Variants in IQCM observed in about 807,000 individuals in gnomAD.
IQCM encodes the protein IQ domain-containing protein M.
Under a neutral mutation model 57.6 loss-of-function variants are expected in IQCM, and 45 were observed. The ratio of observed to expected loss-of-function variants is 0.78; its 90% CI spans 0.62 to 1.00. The LOEUF is 1.00. Ranked by LOEUF, IQCM falls within the 50% of genes least tolerant of loss-of-function variation. The probability of loss-of-function intolerance (pLI) is 0.00; values close to 1 mark genes in which losing one functional copy is unlikely to be tolerated. For synonymous variants in IQCM, 148 were observed against 158.9 expected (o/e 0.93, Z 0.51); for missense variants, 468 against 511.6 (o/e 0.91, Z 0.82).
intron 13 of IQCM, among the ~76,000 whole-genome samples, chr4:149,374,042 C>G (rs1302890307): frequency 6.6e-6 from 1 of 152,158 alleles, no homozygotes; most frequent in Non-Finnish European, 1.5e-5. Context: ...GCAGTAGCAG[C>G]AGCAGCGGCA....
intron 5 of IQCM, among the ~76,000 whole-genome samples, chr4:149,717,919 G>A (rs1157904241): frequency 2.6e-5 from 4 of 152,202 alleles, no homozygotes; most frequent in Admixed American, 2.6e-4. Flanking sequence ...TAAACCTCAT[G>A]CTATTGGCAA....
At chr4:149,796,520 G>A (rs533329148) in intron 2 of IQCM, among the ~76,000 whole-genome samples, 1 of 152,246 alleles carries the variant, frequency 6.6e-6, no homozygotes, top group African/African-American at 2.4e-5. Context: ...AGGCCTAACT[G>A]GGTTTGCCAC....
At chr4:149,565,622 A>G (rs1447099592) in intron 9 of IQCM, among the ~76,000 whole-genome samples, 4 of 152,206 alleles carry the variant, frequency 2.6e-5, no homozygotes, top group South Asian at 4.1e-4. Flanking sequence ...AGAAATTTTC[A>G]TAAGAAGAAT....
At chr4:149,771,933 C>T (rs977532831) in intron 2 of IQCM, among the ~76,000 whole-genome samples, 4 of 152,014 alleles carry the variant, frequency 2.6e-5, no homozygotes, top group Non-Finnish European at 4.4e-5. Context: ...AGTAGGATGA[C>T]CCTATGTCCC....
chr4:149,704,391 C>T (rs112028496), intron 5 of IQCM, among the ~76,000 whole-genome samples: 1 of 151,840 alleles, frequency 6.6e-6, no homozygotes, highest in Non-Finnish European at 1.5e-5. Flanking sequence ...GCAAATAAAG[C>T]TTTATTGGTA....
intron 2 of IQCM, among the ~76,000 whole-genome samples, chr4:149,812,538 G>A (rs1774677182): frequency 6.7e-6 from 1 of 149,204 alleles, no homozygotes; most frequent in African/African-American, 2.5e-5. Flanking sequence ...ACTATCCTTT[G>A]AGGATAGTAA....
chr4:149,462,378 T>C (rs776988791), intron 12 of IQCM, among the ~76,000 whole-genome samples: 34 of 152,168 alleles, frequency 2.2e-4, no homozygotes, highest in Non-Finnish European at 4.0e-4. Context: ...GATAAATAAC[T>C]ACACAGAATG....
At chr4:149,650,872 G>T (rs1191910574) in intron 7 of IQCM, among the ~76,000 whole-genome samples, 1 of 152,168 alleles carries the variant, frequency 6.6e-6, no homozygotes, top group African/African-American at 2.4e-5. Flanking sequence ...TTGTTTCAAG[G>T]AAGCTTGCTT....
chr4:149,388,524 ATATATAT>A (rs1196689156), intron 13 of IQCM, among the ~76,000 whole-genome samples: 3,287 of 140,376 alleles, frequency 0.023, 119 homozygotes, highest in African/African-American at 0.073. Context: ...CATATATATT[ATATATAT>A]TATATATTAT....
intron 9 of IQCM, among the ~76,000 whole-genome samples, chr4:149,573,698 G>T (rs1375457986): frequency 6.6e-6 from 1 of 151,496 alleles, no homozygotes; most frequent in Non-Finnish European, 1.5e-5. Context: ...CAAGTCAGGT[G>T]GCTTAGACAG....
intron 10 of IQCM, among the ~76,000 whole-genome samples, chr4:149,557,380 T>C (rs1403536025): frequency 1.3e-5 from 2 of 152,174 alleles, no homozygotes; most frequent in Non-Finnish European, 2.9e-5. Flanking sequence ...CAATTTTGGG[T>C]AATTATGTTA....
At chr4:149,718,980 C>A (rs1303291437) in intron 5 of IQCM, among the ~76,000 whole-genome samples, 1 of 152,174 alleles carries the variant, frequency 6.6e-6, no homozygotes, top group African/African-American at 2.4e-5. Context: ...CATCTGATAT[C>A]TTTGGGTGGC....
chr4:149,412,664 A>G (rs747602349), intron 13 of IQCM, among the ~76,000 whole-genome samples: 17 of 152,218 alleles, frequency 1.1e-4, no homozygotes, highest in Non-Finnish European at 2.4e-4. Context: ...AAAGACAGAT[A>G]TGTATAGATC....
intron 7 of IQCM, among the ~76,000 whole-genome samples, chr4:149,632,063 T>G (rs777171369): frequency 2.0e-5 from 3 of 152,356 alleles, no homozygotes; most frequent in Non-Finnish European, 2.9e-5. Context: ...CAGGCCATGT[T>G]AGCTGAGAGG....
chr4:149,550,748 C>A (rs531790513), intron 11 of IQCM, among the ~76,000 whole-genome samples: 89 of 152,268 alleles, frequency 5.8e-4, no homozygotes, highest in African/African-American at 2.1e-3. Flanking sequence ...TAGCCATCAA[C>A]ACACGGAAAG....
chr4:149,768,873 T>C (rs1770298179), intron 2 of IQCM, among the ~76,000 whole-genome samples: 1 of 152,094 alleles, frequency 6.6e-6, no homozygotes, highest in South Asian at 2.1e-4. Context: ...TTGGGCACTT[T>C]ATGTAACTCG....
At chr4:149,400,338 G>T (rs1346375682) in intron 13 of IQCM, among the ~76,000 whole-genome samples, 3 of 151,858 alleles carry the variant, frequency 2.0e-5, no homozygotes, top group Admixed American at 6.6e-5. Context: ...AGCCTTAAAA[G>T]TTAAAGGTGA....
chr4:149,429,002 G>C (rs940424140), intron 13 of IQCM, among the ~76,000 whole-genome samples: 1 of 151,758 alleles, frequency 6.6e-6, no homozygotes, highest in African/African-American at 2.4e-5. Context: ...CCATTGCTTT[G>C]GGAAAGTAAT....
At chr4:149,744,697 C>A (rs1767762914) in intron 2 of IQCM, among the ~76,000 whole-genome samples, 1 of 151,974 alleles carries the variant, frequency 6.6e-6, no homozygotes, top group South Asian at 2.1e-4. Flanking sequence ...AAAATATCAG[C>A]AAATGGGGCC....
Sources: allele counts gnomAD v4.1 joint callset (sites outside exome capture counted in the v4.1 genomes callset), GRCh38; gene constraint gnomAD v4.1.1; transcripts MANE v1.5; gene names NCBI Gene and HGNC (gene_info 2026-07-23, HGNC 2026-07-21).